The following DIAPH3 variants were observed in gnomAD, a reference collection of about 807,000 sequenced individuals.
DIAPH3 encodes the protein diaphanous related formin 3.
In DIAPH3, 117 loss-of-function variants were observed where a neutral mutation model predicts 144.3. The observed-to-expected ratio is 0.81, with a 90% CI of 0.70 to 0.95. The LOEUF (loss-of-function observed/expected upper bound fraction) is 0.95. DIAPH3 is among the 40% of genes least tolerant of loss of function. The probability of loss-of-function intolerance (pLI) is 0.00; values close to 1 mark genes in which losing one functional copy is unlikely to be tolerated. For synonymous variants in DIAPH3, 519 were observed against 488.9 expected (o/e 1.06, Z -0.81); for missense variants, 1,421 against 1,412.7 (o/e 1.01, Z -0.09).
intron 17 of DIAPH3, among the ~76,000 whole-genome samples, chr13:59,934,782 A>G (rs1202629991): frequency 2.0e-5 from 3 of 152,164 alleles, no homozygotes; most frequent in African/African-American, 7.2e-5. Context: ...TGACCACCAC[A>G]CAGCAAGCCT....
intron 27 of DIAPH3, among the ~76,000 whole-genome samples, chr13:59,679,692 C>A (rs983282794): frequency 6.6e-6 from 1 of 151,986 alleles, no homozygotes; most frequent in African/African-American, 2.4e-5. Flanking sequence ...AGCACAGAAG[C>A]CTTAAAGTAT....
rs144850020 is a variant in DIAPH3 at position 60,055,713 on chromosome 13, C to G, written c.496-12893G>C. 3.9e-3 allele frequency among the ~76,000 whole-genome samples: 596 copies of G among 151,802 alleles called. 5 individuals are homozygous for G. The highest frequency in any genetic ancestry group is 0.014 in the African/African-American group (579 of 41,478). ...CCAAAGAATATCTACAGTATATTAC[C>G]TTATGTTTATGAAAGAAAGAAATGA... is the stretch of plus-strand genomic sequence containing the variant. On this transcript the variant is annotated intron_variant, in intron 4 of 27. Transcript: ENST00000400324.
At chr13:60,075,275 G>C (rs2057342933) in intron 4 of DIAPH3, among the ~76,000 whole-genome samples, 1 of 151,888 alleles carries the variant, frequency 6.6e-6, no homozygotes, top group African/African-American at 2.4e-5. Context: ...CTTCCTATTG[G>C]GTTGTTCATC....
chr13:59,980,877 G>A lies in DIAPH3; in HGVS notation c.1481-18C>T, dbSNP rs765997600. ...GCAAATGTCTAAAATTGCAATGACA[G>A]GAAATTTTTAATGTGAAACTTCTTA... is the stretch of plus-strand genomic sequence containing the variant. On this transcript the variant is annotated intron_variant, in intron 13 of 27. Coordinates refer to ENST00000400324, the MANE Select transcript of DIAPH3 (RefSeq NM_001042517.2). The A allele has an allele frequency of 1.9e-6, 3 of 1,602,058 alleles. No homozygotes were observed.
At chr13:59,912,853 A>G (rs1460497157) in intron 19 of DIAPH3, among the ~76,000 whole-genome samples, 1 of 152,152 alleles carries the variant, frequency 6.6e-6, no homozygotes, top group African/African-American at 2.4e-5. Context: ...CATCAAAATC[A>G]ATTAGATCAA....
chr13:59,686,818 C>T (rs921769449), intron 27 of DIAPH3, among the ~76,000 whole-genome samples: 3 of 151,942 alleles, frequency 2.0e-5, no homozygotes, highest in Non-Finnish European at 2.9e-5. Context: ...ACCATGTGCA[C>T]CAAAGCATTA....
At chr13:59,962,429 T>C (rs1268945521) in intron 17 of DIAPH3, among the ~76,000 whole-genome samples, 1 of 152,228 alleles carries the variant, frequency 6.6e-6, no homozygotes, top group African/African-American at 2.4e-5. Flanking sequence ...AGGAAGAACT[T>C]TCCATTCAGC....
chr13:59,787,690 A>AAC (rs75477008), intron 25 of DIAPH3, among the ~76,000 whole-genome samples: 11,586 of 152,298 alleles, frequency 0.076, 566 homozygotes, highest in South Asian at 0.18. Context: ...CTCAGTAAGA[A>AAC]ACACCAAGAA....
intron 27 of DIAPH3, among the ~76,000 whole-genome samples, chr13:59,684,361 C>T (rs891340231): frequency 6.6e-6 from 1 of 152,140 alleles, no homozygotes; most frequent in East Asian, 1.9e-4. Flanking sequence ...TGGTTAGTTG[C>T]AAACGGTACA....
At chr13:60,044,635 T>C (rs1457202211) in intron 4 of DIAPH3, among the ~76,000 whole-genome samples, 1 of 152,204 alleles carries the variant, frequency 6.6e-6, no homozygotes, top group Non-Finnish European at 1.5e-5. Flanking sequence ...CAAAGGTGCC[T>C]CAAAATAACT....
chr13:59,921,108 A>G (rs1475009802), intron 18 of DIAPH3, among the ~76,000 whole-genome samples: 4 of 151,154 alleles, frequency 2.6e-5, no homozygotes, highest in Non-Finnish European at 5.9e-5. Flanking sequence ...CTAAGTGAGA[A>G]GTTTACAGAA....
At chr13:59,828,105 C>A (rs577654739) in intron 24 of DIAPH3, among the ~76,000 whole-genome samples, 1 of 151,906 alleles carries the variant, frequency 6.6e-6, no homozygotes, top group Non-Finnish European at 1.5e-5. Context: ...GATACGCCAC[C>A]GATTTACTCA....
intron 21 of DIAPH3, among the ~76,000 whole-genome samples, chr13:59,862,745 A>G (rs1016205457): frequency 1.3e-5 from 2 of 152,144 alleles, no homozygotes; most frequent in Non-Finnish European, 2.9e-5. Context: ...CCCCCTAAGA[A>G]GTTTTTAGGC....
intron 15 of DIAPH3, 93 bp from the exon 16 acceptor site, chr13:59,971,253 C>A: frequency 1.6e-6 from 2 of 1,222,152 alleles, no homozygotes; most frequent in Non-Finnish European, 2.2e-6. Context: ...TTCATTTAAA[C>A]CAAAAATAAT....
chr13:59,786,155 T>A (rs1418578228), intron 25 of DIAPH3, among the ~76,000 whole-genome samples: 2 of 152,188 alleles, frequency 1.3e-5, no homozygotes, highest in Non-Finnish European at 2.9e-5. Context: ...TAAGGCTACA[T>A]TTTCAAAGTT....
chr13:59,820,247 C>T (rs573259921), intron 24 of DIAPH3, among the ~76,000 whole-genome samples: 11 of 151,780 alleles, frequency 7.2e-5, no homozygotes, highest in African/African-American at 1.7e-4. Context: ...TATTGGAATA[C>T]GATGGTACAC....
chr13:59,839,469 T>C, intron 22 of DIAPH3, 21 bp from the exon 23 acceptor site: 1 of 1,610,264 alleles, frequency 6.2e-7, no homozygotes, highest in African/African-American at 1.3e-5. Context: ...GTATATTAAA[T>C]GCCCGGAAAG....
intron 12 of DIAPH3, among the ~76,000 whole-genome samples, chr13:59,989,194 A>G (rs946228890): frequency 1.3e-5 from 2 of 151,838 alleles, no homozygotes; most frequent in South Asian, 4.1e-4. Flanking sequence ...GAGGTAGATG[A>G]AACCAAAAAA....
chr13:60,126,142 T>C (rs192667121), intron 2 of DIAPH3, among the ~76,000 whole-genome samples: 107 of 152,164 alleles, frequency 7.0e-4, no homozygotes, highest in Non-Finnish European at 1.1e-3. Flanking sequence ...AAACACTACA[T>C]ACCGAGGGAA....
Sources: gnomAD v4.1 joint callset for allele counts (sites outside exome capture counted in the v4.1 genomes callset) on GRCh38, gnomAD v4.1.1 for gene constraint, MANE v1.5 for transcripts, NCBI Gene and HGNC (gene_info 2026-07-23, HGNC 2026-07-21) for gene names.